The following TRHDE variants were observed in gnomAD, a reference collection of about 807,000 sequenced individuals.
TRHDE encodes thyrotropin-releasing hormone-degrading ectoenzyme.
TRHDE carries 72 observed loss-of-function variants against 125.7 expected under a neutral mutation model. The ratio of observed to expected loss-of-function variants is 0.57; its 90% confidence interval spans 0.47 to 0.70. TRHDE has a LOEUF of 0.70. TRHDE is among the 30% of genes least tolerant of loss of function. TRHDE has a pLI of 0.00. For synonymous variants in TRHDE, 509 were observed against 509.1 expected (o/e 1.00, Z 0.00); for missense variants, 1,110 against 1,327.1 (o/e 0.84, Z 2.54).
At chr12:72,499,444 A>G (rs1878053821) in intron 5 of TRHDE, 54 bp from the exon 6 acceptor site, 18 of 1,589,364 alleles carry the variant, frequency 1.1e-5, no homozygotes, top group Non-Finnish European at 1.5e-5. Flanking sequence ...GTCATCATAT[A>G]CATATGTCTA....
chr12:72,175,587 G>C (rs1030984702), intron 2 of TRHDE, among the ~76,000 whole-genome samples: 1 of 152,140 alleles, frequency 6.6e-6, no homozygotes, highest in Non-Finnish European at 1.5e-5. Context: ...CATCCAAAGT[G>C]TTACAGCTTC....
At chr12:72,541,132 AT>A (rs1869126513) in intron 6 of TRHDE, among the ~76,000 whole-genome samples, 1 of 151,606 alleles carries the variant, frequency 6.6e-6, no homozygotes, top group African/African-American at 2.4e-5. Flanking sequence ...AAAAAGAGAC[AT>A]CTTGCAAGAA....
Position 72,470,863 on chromosome 12 carries a change from C to CTTTTTTTT in TRHDE, c.1470+975_1470+982dup, listed in dbSNP as rs768937293. ...GACGACCGTTCTATGTAAATGTCAG[C>CTTTTTTTT]TTTTTTTTTTTTTTTTTTTTTTTTT... is the stretch of plus-strand genomic sequence containing the variant. On this transcript the variant is annotated intron_variant, in intron 4 of 18. Coordinates refer to ENST00000261180, the MANE Select transcript of TRHDE (RefSeq NM_013381.3). Among the ~76,000 whole-genome samples the CTTTTTTTT allele has an allele frequency of 2.1e-4, 14 of 67,938 alleles. 2 individuals are homozygous for CTTTTTTTT. Among genetic ancestry groups the CTTTTTTTT allele is most frequent in the South Asian group, 1.2e-3 (2 of 1,694 alleles). 44.6% of individuals were successfully genotyped at this position (67,938 alleles called of 152,430 possible).
chr12:72,527,634 C>T (rs1170996620), intron 6 of TRHDE, among the ~76,000 whole-genome samples: 9 of 149,640 alleles, frequency 6.0e-5, no homozygotes, highest in East Asian at 3.9e-4. Context: ...GGAGAGATTA[C>T]GAAGAAGAGA....
In TRHDE at chr12:72,272,494, C is replaced by T. The variant is rs1879262592; in HGVS notation, c.-150C>T. ...CGCGGAAGCTGCCGTCGCTTGTGTCCAGAACCCGTCTTAAAAGAACCCGGG... is the reference window on the plus strand; with the variant it reads ...CGCGGAAGCTGCCGTCGCTTGTGTCTAGAACCCGTCTTAAAAGAACCCGGG... On this transcript the variant is annotated 5_prime_UTR_variant, in exon 1 of 19. It introduces an in-frame stop codon into an upstream open reading frame of the 5' UTR. Transcript: ENST00000261180. This position sits in a 1 kb window ranked among gnomAD's most constrained non-coding sequence, Gnocchi z 6.7. 1 of 547,498 alleles carries T rather than the reference C, an allele frequency of 1.8e-6. No homozygotes were observed. The highest frequency in any genetic ancestry group is 3.1e-5 in the East Asian group (1 of 32,538). The allele number at this position is 547,498 out of a possible 1,614,324, so 33.9% of individuals were successfully genotyped here.
intron 1 of TRHDE, among the ~76,000 whole-genome samples, chr12:72,280,212 T>G (rs554562284): frequency 6.6e-6 from 1 of 152,316 alleles, no homozygotes; most frequent in South Asian, 2.1e-4. Flanking sequence ...TCTAGTGTCC[T>G]CATCTGGAAA....
intron 9 of TRHDE, among the ~76,000 whole-genome samples, chr12:72,566,691 AG>A (rs767188509): frequency 5.1e-4 from 77 of 152,076 alleles, no homozygotes; most frequent in Admixed American, 1.3e-3. Context: ...TTTGTCCTTG[AG>A]AATTTTTAAA....
intron 2 of TRHDE, among the ~76,000 whole-genome samples, chr12:72,361,538 G>T (rs1358014514): frequency 6.7e-6 from 1 of 150,294 alleles, no homozygotes; most frequent in African/African-American, 2.5e-5. Context: ...TATATGAGTA[G>T]GTGTTTTATA....
chr12:72,574,340 T>G (rs1870887987), intron 10 of TRHDE, among the ~76,000 whole-genome samples: 6 of 152,030 alleles, frequency 3.9e-5, no homozygotes, highest in Admixed American at 3.9e-4. Context: ...AGGAGACCCA[T>G]GTGGTTTTGA....
intron 2 of TRHDE, among the ~76,000 whole-genome samples, chr12:72,304,274 A>C (rs969919542): frequency 1.2e-4 from 19 of 152,144 alleles, no homozygotes; most frequent in African/African-American, 4.3e-4. Context: ...TTAGAATTAT[A>C]TTACTGTATA....
chr12:72,572,009 A>ACACACACACACACACACG (rs1870759773), intron 10 of TRHDE, among the ~76,000 whole-genome samples: 1 of 151,178 alleles, frequency 6.6e-6, no homozygotes, highest in Admixed American at 6.6e-5. Context: ...ACACACACAC[A>ACACACACACACACACACG]CACACACACG....
At chr12:72,635,522 C>CA (rs1485847274) in intron 15 of TRHDE, among the ~76,000 whole-genome samples, 24 of 152,156 alleles carry the variant, frequency 1.6e-4, no homozygotes, top group African/African-American at 5.6e-4. Context: ...TCCCATTTGT[C>CA]AATTGTGGCT....
chr12:72,442,781 A>G (rs1875078856), intron 3 of TRHDE, among the ~76,000 whole-genome samples: 1 of 151,764 alleles, frequency 6.6e-6, no homozygotes, highest in Non-Finnish European at 1.5e-5. Flanking sequence ...AAAGTCATAA[A>G]CAATAAGGAG....
chr12:72,224,447 T>C (rs1018860215), intron 2 of TRHDE, among the ~76,000 whole-genome samples: 13 of 152,090 alleles, frequency 8.5e-5, no homozygotes, highest in African/African-American at 3.1e-4. Flanking sequence ...ATCCTATTCA[T>C]ACCAATTTGC....
chr12:72,413,932 C>T (rs1388697794), intron 3 of TRHDE, among the ~76,000 whole-genome samples: 1 of 151,986 alleles, frequency 6.6e-6, no homozygotes, highest in Non-Finnish European at 1.5e-5. Context: ...GATCACTAAG[C>T]AATTGCAACA....
At chr12:72,594,877 T>C (rs1871859666) in intron 12 of TRHDE, among the ~76,000 whole-genome samples, 1 of 151,710 alleles carries the variant, frequency 6.6e-6, no homozygotes, top group Non-Finnish European at 1.5e-5. Context: ...TGTCCAACAA[T>C]GATAGACTGG....
chr12:72,361,457 A>G (rs374217418), intron 2 of TRHDE, among the ~76,000 whole-genome samples: 89 of 152,026 alleles, frequency 5.9e-4, no homozygotes, highest in African/African-American at 2.0e-3. Flanking sequence ...TCCAAAGCCT[A>G]TGTGAAAAAA....
rs374197774 is a variant in TRHDE, at chr12:72,501,321, C to T, written c.1722+1686C>T. Among the ~76,000 whole-genome samples, 9 of 152,136 alleles carry T rather than the reference C, an allele frequency of 5.9e-5. No homozygotes were observed. In the East Asian group the frequency reaches 1.7e-3, roughly 29 times the overall value. On this transcript the variant is annotated intron_variant, in intron 6 of 18. Transcript: ENST00000261180. The stretch of plus-strand genomic sequence containing the variant: ...TCTTTATCCATTAGGTATGATGTCT[C>T]TAAATATTTATAAATGCCTTTTATC...
chr12:72,284,667 G>A (rs1359849732), intron 1 of TRHDE, among the ~76,000 whole-genome samples: 1 of 152,184 alleles, frequency 6.6e-6, no homozygotes, highest in East Asian at 1.9e-4. Context: ...GTTTTGAAAT[G>A]TAATTCAGAA....
Sources: gnomAD v4.1 joint callset for allele counts (sites outside exome capture counted in the v4.1 genomes callset) on GRCh38, gnomAD v4.1.1 for gene constraint, Gnocchi (gnomAD v3.1) non-coding constraint, MANE v1.5 for transcripts, NCBI Gene and HGNC (gene_info 2026-07-23, HGNC 2026-07-21) for gene names.